The following NRCAM variants were observed in gnomAD, a reference collection of about 807,000 sequenced individuals.
The protein encoded by NRCAM is NgCAM-related cell adhesion molecule.
NRCAM carries 83 observed loss-of-function variants against 156.5 expected under a neutral mutation model. The ratio of observed to expected loss-of-function variants is 0.53; its 90% CI spans 0.44 to 0.64. The LOEUF (loss-of-function observed/expected upper bound fraction) is 0.64, where lower values mean the gene tolerates loss of function less well. Ranked by LOEUF, NRCAM falls within the 30% of genes least tolerant of loss-of-function variation. The pLI is 0.00. For missense variants in NRCAM, 1,417 were observed against 1,597.3 expected (o/e 0.89, Z 1.92); for synonymous variants, 538 against 563.9 (o/e 0.95, Z 0.65).
intron 20 of NRCAM, among the ~76,000 whole-genome samples, chr7:108,188,108 G>C (rs1424279750): frequency 6.6e-6 from 1 of 152,130 alleles, no homozygotes; most frequent in Non-Finnish European, 1.5e-5. Context: ...GGAGGAGTGA[G>C]TAGAAGAAGC....
At chr7:108,177,399 A>G (rs547840554) in intron 26 of NRCAM, among the ~76,000 whole-genome samples, 109 of 152,178 alleles carry the variant, frequency 7.2e-4, no homozygotes, top group African/African-American at 1.4e-3. Flanking sequence ...TGAGGTGGGC[A>G]GATCACGAGG....
intron 6 of NRCAM, among the ~76,000 whole-genome samples, chr7:108,233,522 T>C (rs2094561937): frequency 6.6e-6 from 1 of 152,202 alleles, no homozygotes; most frequent in Non-Finnish European, 1.5e-5. Context: ...TCCTGTTTTA[T>C]GGCAAGTTAC....
chr7:108,246,979 C>T (rs1247977516), intron 3 of NRCAM, among the ~76,000 whole-genome samples: 1 of 152,122 alleles, frequency 6.6e-6, no homozygotes, highest in African/African-American at 2.4e-5. Flanking sequence ...CACACTGCAG[C>T]TTATCCTCTT....
intron 3 of NRCAM, among the ~76,000 whole-genome samples, chr7:108,241,947 A>G (rs2095554477): frequency 6.6e-6 from 1 of 152,146 alleles, no homozygotes; most frequent in Admixed American, 6.5e-5. Context: ...ACATGATTAA[A>G]ACTGTAGTAG....
At chr7:108,356,884 A>T (rs2099506135) in intron 2 of NRCAM, among the ~76,000 whole-genome samples, 1 of 152,166 alleles carries the variant, frequency 6.6e-6, no homozygotes, top group Non-Finnish European at 1.5e-5. Flanking sequence ...GCCCAAAGAG[A>T]TGGGCCCTTT....
intron 1 of NRCAM, among the ~76,000 whole-genome samples, chr7:108,449,827 G>T (rs1848337779): frequency 6.6e-6 from 1 of 151,884 alleles, no homozygotes; most frequent in Admixed American, 6.6e-5. Flanking sequence ...GCCCACTTGA[G>T]AAAGATAAAT....
At chr7:108,328,312 T>G (rs1171952901) in intron 2 of NRCAM, 7 of 152,298 alleles carry the variant, frequency 4.6e-5, no homozygotes, top group African/African-American at 1.7e-4. Context: ...GGGCTTCGGT[T>G]TTAAACAAAT....
intron 1 of NRCAM, among the ~76,000 whole-genome samples, chr7:108,438,369 CAATT>C (rs1441407485): frequency 6.6e-6 from 1 of 152,062 alleles, no homozygotes; most frequent in East Asian, 1.9e-4. Flanking sequence ...ATCCAAAAAT[CAATT>C]AATATACTAC....
chr7:108,441,995 T>C (rs1429895290), intron 1 of NRCAM, among the ~76,000 whole-genome samples: 1 of 152,206 alleles, frequency 6.6e-6, no homozygotes, highest in Non-Finnish European at 1.5e-5. Context: ...AACTAATAAA[T>C]GGCAGGGATT....
At chr7:108,261,930 C>G (rs149405162) in intron 3 of NRCAM, among the ~76,000 whole-genome samples, 109 of 152,242 alleles carry the variant, frequency 7.2e-4, no homozygotes, top group African/African-American at 2.5e-3. Flanking sequence ...CATTTCATCC[C>G]CTGGCAGACA....
intron 2 of NRCAM, among the ~76,000 whole-genome samples, chr7:108,359,238 T>C (rs1025418397): frequency 3.3e-5 from 5 of 152,238 alleles, no homozygotes; most frequent in African/African-American, 1.2e-4. Flanking sequence ...CAGATGTAAG[T>C]CTTGCCTTTA....
Position 108,149,697 on chromosome 7 carries a change from C to T in NRCAM, c.*213G>A, listed in dbSNP as rs964883193. The T allele has an allele frequency of 3.6e-6, 2 of 553,212 alleles. No individual in the cohort carries two copies. Among genetic ancestry groups the T allele is most frequent in the African/African-American group, 1.9e-5 (1 of 52,858 alleles). The allele number at this position is 553,212 out of a possible 1,614,324, so 34.3% of individuals were successfully genotyped here. ...TCAGTTCTGAGGAAATCAAGAATAC[C>T]CATTTTGAATGAAAAAGTATGCACT... On this transcript the variant is annotated 3_prime_UTR_variant, in exon 33 of 33. Coordinates refer to ENST00000379028, the MANE Select transcript of NRCAM (RefSeq NM_001037132.4).
chr7:108,173,852 T>C (rs931384601), intron 28 of NRCAM, among the ~76,000 whole-genome samples: 5 of 152,198 alleles, frequency 3.3e-5, no homozygotes, highest in Admixed American at 1.3e-4. Flanking sequence ...TTAGTTTTAA[T>C]TTATTAAAAA....
intron 3 of NRCAM, among the ~76,000 whole-genome samples, chr7:108,267,497 A>G (rs1250714764): frequency 6.6e-6 from 1 of 152,238 alleles, no homozygotes; most frequent in East Asian, 1.9e-4. Context: ...ATGATGTTTG[A>G]TTACACGTGT....
intron 1 of NRCAM, among the ~76,000 whole-genome samples, chr7:108,410,285 A>C (rs943968202): frequency 6.6e-6 from 1 of 152,230 alleles, no homozygotes; most frequent in African/African-American, 2.4e-5. Context: ...CCAATTTCTT[A>C]TTAAGAATTG....
At chr7:108,418,560 T>TACACAC (rs59582056) in intron 1 of NRCAM, among the ~76,000 whole-genome samples, 2,512 of 143,694 alleles carry the variant, frequency 0.017, 18 homozygotes, top group Middle Eastern at 0.028. Context: ...ATACATATTA[T>TACACAC]ACACACACAC....
chr7:108,336,701 C>A (rs1193147261), intron 2 of NRCAM, among the ~76,000 whole-genome samples: 1 of 152,134 alleles, frequency 6.6e-6, no homozygotes, highest in Non-Finnish European at 1.5e-5. Context: ...TCACACATTT[C>A]AAAAATTTTC....
chr7:108,193,879 G>A (rs1376051289), intron 17 of NRCAM, 145 bp downstream of exon 17: 2 of 723,178 alleles, frequency 2.8e-6, no homozygotes, highest in Admixed American at 2.9e-5. Flanking sequence ...TTTACAGTAG[G>A]GAGAAAATGC....
chr7:108,249,842 T>C (rs1394306653), intron 3 of NRCAM, among the ~76,000 whole-genome samples: 4 of 152,226 alleles, frequency 2.6e-5, no homozygotes, highest in Non-Finnish European at 5.9e-5. Flanking sequence ...ATCATTTAAA[T>C]GGACTCCATA....
Sources: gnomAD v4.1 joint callset for allele counts (sites outside exome capture counted in the v4.1 genomes callset) on GRCh38, gnomAD v4.1.1 for gene constraint, MANE v1.5 for transcripts, NCBI Gene and HGNC (gene_info 2026-07-23, HGNC 2026-07-21) for gene names.